The following C6 variants were observed in gnomAD, a reference collection of about 807,000 sequenced individuals.
C6 encodes the protein complement component C6.
A neutral mutation model predicts 112.9 loss-of-function variants in C6; 101 were observed. The observed-to-expected ratio is 0.89, with a 90% CI of 0.76 to 1.06. C6 has a LOEUF of 1.06. Ranked by LOEUF, C6 falls within the 50% of genes least tolerant of loss-of-function variation. C6 has a pLI of 0.00. For synonymous variants in C6, 431 were observed against 384.1 expected (o/e 1.12, Z -1.43); for missense variants, 1,202 against 1,104.6 (o/e 1.09, Z -1.25).
intron 1 of C6, among the ~76,000 whole-genome samples, chr5:41,250,062 C>T (rs1741253960): frequency 6.6e-6 from 1 of 152,176 alleles, no homozygotes; most frequent in South Asian, 2.1e-4. Flanking sequence ...TTCCTTCCCA[C>T]CTTGTGGTCA....
intron 9 of C6, among the ~76,000 whole-genome samples, chr5:41,167,804 A>C (rs779994323): frequency 6.6e-6 from 1 of 152,160 alleles, no homozygotes; most frequent in Non-Finnish European, 1.5e-5. Flanking sequence ...GAAGCTTGGG[A>C]GGAAGAATGG....
At chr5:41,176,309 G>A (rs913047923) in intron 8 of C6, among the ~76,000 whole-genome samples, 166 bp downstream of exon 8, 2 of 152,090 alleles carry the variant, frequency 1.3e-5, no homozygotes. Context: ...TTCTATTTTT[G>A]TTTTATTTAT....
intron 17 of C6, among the ~76,000 whole-genome samples, chr5:41,144,139 T>C (rs1745597365): frequency 6.6e-6 from 1 of 152,352 alleles, no homozygotes; most frequent in Non-Finnish European, 1.5e-5. Context: ...CTTTCTCCTA[T>C]GTCATCTGCC....
rs551727769 is a variant in C6, at chr5:41,143,227, C to T, written c.2624-221G>A. Among the ~76,000 whole-genome samples, 122 of 152,298 alleles carry T rather than the reference C, an allele frequency of 8.0e-4. 1 individual carries two copies. Among genetic ancestry groups the T allele is most frequent in the Admixed American group, 3.1e-3 (47 of 15,288 alleles). On this transcript the variant is annotated intron_variant, in intron 17 of 17. Coordinates refer to ENST00000337836, the MANE Select transcript of C6 (RefSeq NM_000065.5). ...AAAGGCAATGACCCCAAAGACCCAA[C>T]TGTGACTGAATAGAGAGATCTGTAT... is the stretch of plus-strand genomic sequence containing the variant.
At chr5:41,228,853 A>G in intron 1 of C6, among the ~76,000 whole-genome samples, 1 of 152,264 alleles carries the variant, frequency 6.6e-6, no homozygotes, top group South Asian at 2.1e-4. Context: ...TGTTGAATTC[A>G]GTTTGCAGGT....
chr5:41,147,573 C>T (rs1479642709), intron 17 of C6, among the ~76,000 whole-genome samples: 1 of 152,088 alleles, frequency 6.6e-6, no homozygotes, highest in African/African-American at 2.4e-5. Context: ...AACACTGGGC[C>T]ACAAAGTCAA....
At chr5:41,259,255 C>A (rs983635628) in intron 1 of C6, among the ~76,000 whole-genome samples, 12 of 149,850 alleles carry the variant, frequency 8.0e-5, no homozygotes, top group Admixed American at 2.0e-4. Context: ...ATAAATCTAA[C>A]CTTAGTTCTT....
chr5:41,177,645 G>T (rs1328579637), intron 7 of C6, among the ~76,000 whole-genome samples: 1 of 152,094 alleles, frequency 6.6e-6, no homozygotes, highest in East Asian at 1.9e-4. Context: ...TATGGCAAAA[G>T]ATGACTGCTG....
At chr5:41,163,029 G>A (rs1408556756) in intron 9 of C6, among the ~76,000 whole-genome samples, 1 of 152,086 alleles carries the variant, frequency 6.6e-6, no homozygotes, top group Non-Finnish European at 1.5e-5. Context: ...TTATCTGTGA[G>A]GGGCATGGGA....
At chr5:41,224,229 A>G (rs1739346680) in intron 1 of C6, among the ~76,000 whole-genome samples, 1 of 152,114 alleles carries the variant, frequency 6.6e-6, no homozygotes, top group Non-Finnish European at 1.5e-5. Context: ...TTTTTCTCTT[A>G]AAATAGCTTT....
chr5:41,239,337 C>G (rs971649096), intron 1 of C6, among the ~76,000 whole-genome samples: 8 of 151,988 alleles, frequency 5.3e-5, no homozygotes, highest in Non-Finnish European at 1.0e-4. Flanking sequence ...GTCTCGAACT[C>G]CTGACCTCAA....
At chr5:41,233,841 CATCT>C (rs1740059630) in intron 1 of C6, among the ~76,000 whole-genome samples, 1 of 151,962 alleles carries the variant, frequency 6.6e-6, no homozygotes, top group Non-Finnish European at 1.5e-5. Flanking sequence ...ATGAGAACTC[CATCT>C]ATCTCTATAT....
chr5:41,241,539 G>A (rs1487882734), intron 1 of C6, among the ~76,000 whole-genome samples: 1 of 152,178 alleles, frequency 6.6e-6, no homozygotes, highest in East Asian at 1.9e-4. Context: ...AATTCAGAAT[G>A]GACCACAAGC....
chr5:41,148,222 T>A (rs1746029924), intron 17 of C6, among the ~76,000 whole-genome samples: 1 of 152,246 alleles, frequency 6.6e-6, no homozygotes, highest in South Asian at 2.1e-4. Context: ...AACCAGAGAT[T>A]GGTTAAATAA....
intron 9 of C6, among the ~76,000 whole-genome samples, chr5:41,164,114 AG>A (rs796703014): frequency 2.0e-5 from 3 of 146,600 alleles, no homozygotes; most frequent in East Asian, 4.5e-4. Context: ...GAAGGTAGAA[AG>A]GGGGGAGGGA....
At chr5:41,159,480 G>C in intron 11 of C6, 1 of 985,126 alleles carries the variant, frequency 1.0e-6, no homozygotes. Context: ...GGCAACAAAT[G>C]GCAATCATTA....
intron 1 of C6, among the ~76,000 whole-genome samples, chr5:41,260,742 T>A (rs1394608796): frequency 7.4e-5 from 11 of 149,510 alleles, no homozygotes; most frequent in Non-Finnish European, 1.3e-4. Context: ...GCCATTGCAC[T>A]CCAGCCTGGG....
intron 9 of C6, 108 bp from the exon 10 acceptor site, chr5:41,161,967 G>T: frequency 9.6e-7 from 1 of 1,038,252 alleles, no homozygotes; most frequent in Non-Finnish European, 1.5e-6. Flanking sequence ...AGATGGTACA[G>T]TATGTAGCTC....
rs992283347 is a variant in C6, at chr5:41,142,584, G to C, written c.*241C>G. ...GTACAATGTGAACAGGAGAATTTAC[G>C]AGACTGCTGTGGAAGTTGGTACCTA... On this transcript the variant is annotated 3_prime_UTR_variant, in exon 18 of 18. Coordinates refer to ENST00000337836, the MANE Select transcript of C6 (RefSeq NM_000065.5). The C allele has an allele frequency of 1.8e-6, 1 of 545,984 alleles. No homozygotes were observed. Among genetic ancestry groups the C allele is most frequent in the Non-Finnish European group, 3.3e-6 (1 of 301,950 alleles). 33.8% of individuals were successfully genotyped at this position (545,984 alleles called of 1,614,324 possible). A position where few individuals can be genotyped will look rare whatever the true frequency, so the allele number is the denominator to read the frequency against.
Sources: allele counts gnomAD v4.1 joint callset (sites outside exome capture counted in the v4.1 genomes callset), GRCh38; gene constraint gnomAD v4.1.1; transcripts MANE v1.5; gene names NCBI Gene and HGNC (gene_info 2026-07-23, HGNC 2026-07-21).